Variants in GLUD1 observed in about 807,000 individuals in gnomAD.
The protein encoded by GLUD1 is glutamate dehydrogenase 1, mitochondrial.
A neutral mutation model predicts 56.0 loss-of-function variants in GLUD1; 22 were observed. That is an observed-to-expected ratio of 0.39 (90% confidence interval 0.28 to 0.56). GLUD1 has a LOEUF of 0.56. GLUD1 is among the 20% of genes least tolerant of loss of function. The pLI, the probability that GLUD1 is intolerant of heterozygous loss-of-function variation, is 0.58. For synonymous variants in GLUD1, 223 were observed against 269.9 expected, an observed-to-expected ratio of 0.83 and a Z score of 1.70; for missense variants, 451 against 732.0, an observed-to-expected ratio of 0.62 and a Z score of 4.43.
chr10:87,094,758 G>C lies in GLUD1; in HGVS notation c.12C>G (p.Tyr4Ter), dbSNP rs747036348. The C allele has an allele frequency of 1.9e-6, 3 of 1,539,652 alleles. No homozygotes were observed. The highest frequency in any genetic ancestry group is 2.9e-5 in the African/African-American group (2 of 70,104). The change falls in exon 1 of 13, where the codon TAC (tyrosine) becomes TAG (stop). Residue 4 changes from tyrosine to a stop codon, truncating the protein, a stop_gained. Coordinates refer to ENST00000277865, the MANE Select transcript of GLUD1 (RefSeq NM_005271.5). LOFTEE classifies it high-confidence loss of function. This position sits in a 1 kb window ranked among gnomAD's most constrained non-coding sequence, Gnocchi z 6.6. ...GGGACAGCAACAGCGCTTCGCCCAG[G>C]TAGCGGTACATGGCCACAAGCGGAG... is the stretch of plus-strand genomic sequence containing the variant. MYR[Y>*]LGEALLLSRA...
In GLUD1 at chr10:87,074,610, T is replaced by C. The variant is rs1846334492; in HGVS notation, c.587A>G (p.Asn196Ser). 1.3e-6 allele frequency: 2 copies of C among 1,566,138 alleles called. No homozygotes were observed. The highest frequency in any genetic ancestry group is 2.7e-5 in the African/African-American group (2 of 73,962). The change falls in exon 4 of 13, where the codon AAT (asparagine) becomes AGT (serine). Residue 196 changes from asparagine to serine, a missense_variant. By Grantham distance (46) the Asn-to-Ser change is conservative. Coordinates refer to ENST00000277865, the MANE Select transcript of GLUD1 (RefSeq NM_005271.5). ...VKINPKNYTD[N>S]ELEKITRRFT... ...CCTCCTTGTGATCTTTTCCAATTCATTATCCTGTAAAATAAGAAAACAAAA... is the reference window on the plus strand; with the variant it reads ...CCTCCTTGTGATCTTTTCCAATTCACTATCCTGTAAAATAAGAAAACAAAA...
intron 11 of GLUD1, among the ~76,000 whole-genome samples, chr10:87,054,274 T>C (rs1391069024): frequency 1.3e-5 from 2 of 152,176 alleles, no homozygotes; most frequent in Non-Finnish European, 1.5e-5. Flanking sequence ...GAAGAGAGTG[T>C]ATATACATGG....
chr10:87,088,096 CAAAA>C (rs1007327720), intron 1 of GLUD1, among the ~76,000 whole-genome samples: 3 of 150,554 alleles, frequency 2.0e-5, no homozygotes, highest in Non-Finnish European at 4.4e-5. Context: ...AAAAAACAAA[CAAAA>C]AAACAAATAA....
chr10:87,063,044 T>A (rs898377553), intron 5 of GLUD1, among the ~76,000 whole-genome samples: 1 of 148,188 alleles, frequency 6.7e-6, no homozygotes. Flanking sequence ...CAATAAAATA[T>A]ACTATATTTT....
chr10:87,092,910 T>C (rs1841549308), intron 1 of GLUD1, among the ~76,000 whole-genome samples: 1 of 152,176 alleles, frequency 6.6e-6, no homozygotes, highest in Admixed American at 6.5e-5. Context: ...AAGGGAGTGG[T>C]AGGAAGAAGG....
At chr10:87,089,383 C>A (rs1712570268) in intron 1 of GLUD1, among the ~76,000 whole-genome samples, 2 of 152,198 alleles carry the variant, frequency 1.3e-5, no homozygotes, top group Non-Finnish European at 2.9e-5. Flanking sequence ...ACCTTAGTAG[C>A]CACATTTGGA....
intron 1 of GLUD1, among the ~76,000 whole-genome samples, chr10:87,079,850 A>G (rs1841158834): frequency 6.6e-6 from 1 of 152,088 alleles, no homozygotes. Context: ...ATAAATTCAC[A>G]GGAAATAGTA....
At chr10:87,055,479 G>A (rs1013552096) in intron 11 of GLUD1, among the ~76,000 whole-genome samples, 5 of 152,080 alleles carry the variant, frequency 3.3e-5, no homozygotes, top group Non-Finnish European at 7.3e-5. Flanking sequence ...ACCAAAGGGA[G>A]GGGTGAACAG....
chr10:87,061,653 C>G (rs1449888901), intron 6 of GLUD1, among the ~76,000 whole-genome samples: 3 of 151,180 alleles, frequency 2.0e-5, no homozygotes, highest in Non-Finnish European at 4.4e-5. Context: ...GTCTCATTCT[C>G]TCACACAGGC....
chr10:87,076,395 TAA>T, intron 2 of GLUD1, among the ~76,000 whole-genome samples, 179 bp downstream of exon 2: 1 of 149,524 alleles, frequency 6.7e-6, no homozygotes, highest in South Asian at 2.1e-4. Flanking sequence ...ATCCCCCATG[TAA>T]AAAAAAAAGG....
At chr10:87,084,721 T>C (rs927694313) in intron 1 of GLUD1, among the ~76,000 whole-genome samples, 3 of 152,226 alleles carry the variant, frequency 2.0e-5, no homozygotes, top group African/African-American at 7.2e-5. Flanking sequence ...CTCTCACTTT[T>C]CAGGAACTAT....
intron 1 of GLUD1, chr10:87,089,498 G>A (rs1841463482): frequency 2.3e-6 from 1 of 438,128 alleles, no homozygotes; most frequent in Admixed American, 6.4e-5. Flanking sequence ...TGCATGAAAA[G>A]TTCTTAATAA....
chr10:87,092,740 G>T, intron 1 of GLUD1: 1 of 224,576 alleles, frequency 4.5e-6, no homozygotes, highest in Non-Finnish European at 7.5e-6. Context: ...ACCTTTTAAA[G>T]GACTGGCAAA....
chr10:87,066,538 T>C (rs1290650620), intron 5 of GLUD1, among the ~76,000 whole-genome samples: 4 of 152,222 alleles, frequency 2.6e-5, no homozygotes, highest in East Asian at 1.9e-4. Context: ...CTTCAGAACC[T>C]TCCCTCAGGT....
Position 87,094,782 on chromosome 10 carries a change from AG to A in GLUD1, c.-14del. On this transcript the variant is annotated 5_prime_UTR_variant, in exon 1 of 13. Coordinates refer to ENST00000277865, the MANE Select transcript of GLUD1 (RefSeq NM_005271.5). This position sits in a 1 kb window ranked among gnomAD's most constrained non-coding sequence, Gnocchi z 6.6. ...GGTAGCGGTACATGGCCACAAGCGG[AG>A]GGGAGGTGCGTGATGGTCGCGAAAC... The A allele has an allele frequency of 1.3e-6, 2 of 1,529,454 alleles. No individual in the cohort carries two copies. The highest frequency in any genetic ancestry group is 1.8e-6 in the Non-Finnish European group (2 of 1,134,056). 94.7% of individuals were successfully genotyped at this position (1,529,454 alleles called of 1,614,324 possible). A position where few individuals can be genotyped will look rare whatever the true frequency, so the allele number is the denominator to read the frequency against.
At chr10:87,089,705 C>T (rs1478004935) in intron 1 of GLUD1, 7 of 980,210 alleles carry the variant, frequency 7.1e-6, no homozygotes. Context: ...TTAATAAAGC[C>T]TTTCCTGCCT....
At chr10:87,074,222 C>T (rs1006444311) in intron 4 of GLUD1, among the ~76,000 whole-genome samples, 3 of 152,024 alleles carry the variant, frequency 2.0e-5, no homozygotes, top group East Asian at 1.9e-4. Flanking sequence ...AGTAGGAGGC[C>T]GGGCACAGTG....
intron 3 of GLUD1, 95 bp downstream of exon 3, chr10:87,075,873 C>T: frequency 1.1e-6 from 1 of 873,618 alleles, no homozygotes. Flanking sequence ...AAGATTGCGC[C>T]ATTGTACTCC....
intron 5 of GLUD1, among the ~76,000 whole-genome samples, chr10:87,065,301 A>T (rs529419750): frequency 3.2e-5 from 4 of 125,530 alleles, no homozygotes; most frequent in Non-Finnish European, 5.1e-5. Context: ...AAAAAAAAAT[A>T]CCACACCCAG....
Sources: allele counts gnomAD v4.1 joint callset (sites outside exome capture counted in the v4.1 genomes callset), GRCh38; gene constraint gnomAD v4.1.1; non-coding constraint Gnocchi (gnomAD v3.1); transcripts MANE v1.5; gene names NCBI Gene and HGNC (gene_info 2026-07-23, HGNC 2026-07-21).